The following SYNE1 variants were observed in gnomAD, a reference collection of about 807,000 sequenced individuals.
The protein encoded by SYNE1 is spectrin repeat containing nuclear envelope protein 1.
A neutral mutation model predicts 1,111.0 loss-of-function variants in SYNE1; 616 were observed. The ratio of observed to expected loss-of-function variants is 0.55; its 90% CI spans 0.52 to 0.59. The LOEUF (loss-of-function observed/expected upper bound fraction) is 0.59. SYNE1 is among the 20% of genes least tolerant of loss of function. The pLI is 0.00. For missense variants in SYNE1, 10,006 were observed against 10,417.0 expected (o/e 0.96, Z 1.72); for synonymous variants, 3,855 against 3,825.8 (o/e 1.01, Z -0.28).
At chr6:152,421,057 A>T (rs879720223) in intron 39 of SYNE1, among the ~76,000 whole-genome samples, 1 of 152,240 alleles carries the variant, frequency 6.6e-6, no homozygotes, top group Non-Finnish European at 1.5e-5. Flanking sequence ...ATATGATCAG[A>T]CTGCTTTGAG....
Position 152,387,143 on chromosome 6 carries a change from CCT to C in SYNE1, c.8414_8415del (p.Glu2805GlyfsTer2). ...AKSRELYEKT[E>X]DESFKDTAQE... ...TGAGCTGTGTCCTTGAAAGACTCAT[CCT>C]CTGTCTTTTCGTAGAGCTCCCTGGA... On this transcript the variant is annotated frameshift_variant, in exon 54 of 146. Coordinates refer to ENST00000367255, the MANE Select transcript of SYNE1 (RefSeq NM_182961.4). LOFTEE classifies it high-confidence loss of function. The C allele has an allele frequency of 6.2e-7, 1 of 1,614,164 alleles. No individual in the cohort carries two copies. The highest frequency in any genetic ancestry group is 8.5e-7 in the Non-Finnish European group (1 of 1,180,022).
intron 97 of SYNE1, among the ~76,000 whole-genome samples, chr6:152,280,810 T>C (rs887771712): frequency 5.9e-5 from 9 of 152,232 alleles, no homozygotes; most frequent in Admixed American, 2.0e-4. Context: ...ATATGGCTAA[T>C]TAATCTCTAT....
At chr6:152,329,513 C>T (rs916497995) in intron 78 of SYNE1, among the ~76,000 whole-genome samples, 1 of 152,106 alleles carries the variant, frequency 6.6e-6, no homozygotes, top group African/African-American at 2.4e-5. Flanking sequence ...GGCAACAGAG[C>T]GAGACTTCGT....
At chr6:152,477,545 C>A (rs2098842172) in intron 14 of SYNE1, among the ~76,000 whole-genome samples, 1 of 152,176 alleles carries the variant, frequency 6.6e-6, no homozygotes, top group South Asian at 2.1e-4. Context: ...TGAGGCTTCA[C>A]TGACAACCCT....
Position 152,316,893 on chromosome 6 carries a change from A to T in SYNE1, c.16666T>A (p.Trp5556Arg), listed in dbSNP as rs2095739223. 6.2e-7 allele frequency: 1 copy of T among 1,614,182 alleles called. No individual in the cohort carries two copies. The highest frequency in any genetic ancestry group is 1.7e-5 in the Admixed American group (1 of 60,026). ...TCCCGAAGCTGGCTTGCAGAATTCC[A>T]TGCAATAGTTCCATGAGCCAAGACT... ...AKVLAHGTIA[W>R]NSASQLREQY... Residue 5556 changes from tryptophan (W) to arginine (R), a missense_variant, in exon 87 of 146, where the codon TGG (tryptophan) becomes AGG (arginine). Around this residue, in one of 7 missense-constraint regions of SYNE1, gnomAD observed 4,955 missense variants for 5,017.2 expected, o/e 0.99. Transcript: ENST00000367255.
At chr6:152,380,907 G>T in intron 56 of SYNE1, 99 bp downstream of exon 56, 1 of 1,097,308 alleles carries the variant, frequency 9.1e-7, no homozygotes, top group Non-Finnish European at 1.4e-6. Flanking sequence ...TGTGCATGTT[G>T]CGTGTTTTTA....
intron 129 of SYNE1, among the ~76,000 whole-genome samples, chr6:152,178,039 C>G (rs2066918924): frequency 1.3e-5 from 2 of 151,244 alleles, no homozygotes; most frequent in Admixed American, 1.3e-4. Context: ...CTCAAAAGCC[C>G]TTTAAAAAAA....
Position 152,351,340 on chromosome 6 carries a change from G to A in SYNE1, c.11581-570C>T, listed in dbSNP as rs535506045. ...AAATAGACATTGGCTGGAAGAGGCCGTCACAGAAGCTTCCAACAGGGAAAG... is the reference window on the plus strand; with the variant it reads ...AAATAGACATTGGCTGGAAGAGGCCATCACAGAAGCTTCCAACAGGGAAAG... On this transcript the variant is annotated intron_variant, in intron 70 of 145. Coordinates refer to ENST00000367255, the MANE Select transcript of SYNE1 (RefSeq NM_182961.4). Among the ~76,000 whole-genome samples the A allele has an allele frequency of 4.4e-4, 67 of 152,302 alleles. 1 individual carries two copies. The South Asian group carries it at 5.0e-3, about 11-fold the overall frequency.
At chr6:152,417,380 C>A (rs777471739) in intron 40 of SYNE1, among the ~76,000 whole-genome samples, 17 of 152,048 alleles carry the variant, frequency 1.1e-4, no homozygotes, top group Non-Finnish European at 2.1e-4. Flanking sequence ...CGCCTGTAGT[C>A]CCAGCTACTC....
intron 101 of SYNE1, among the ~76,000 whole-genome samples, chr6:152,261,124 G>A (rs926435189): frequency 6.6e-6 from 1 of 152,156 alleles, no homozygotes; most frequent in Non-Finnish European, 1.5e-5. Context: ...CAGCCCCTAA[G>A]CTAGTTCTGG....
intron 73 of SYNE1, among the ~76,000 whole-genome samples, chr6:152,346,244 G>T (rs1448646431): frequency 1.3e-5 from 2 of 152,056 alleles, no homozygotes; most frequent in Non-Finnish European, 2.9e-5. Context: ...TCGGCTCACT[G>T]CAATCTCTGC....
At chr6:152,368,611 C>T (rs1378090131) in intron 61 of SYNE1, 1 of 219,394 alleles carries the variant, frequency 4.6e-6, no homozygotes, top group Non-Finnish European at 9.3e-6. Flanking sequence ...AGAACAAAAA[C>T]TCTGGGATTA....
intron 4 of SYNE1, among the ~76,000 whole-genome samples, chr6:152,527,673 T>G (rs1564649840): frequency 6.6e-6 from 1 of 152,172 alleles, no homozygotes; most frequent in African/African-American, 2.4e-5. Context: ...AGTTCATAAA[T>G]GTTTGATACA....
At chr6:152,593,178 A>G (rs1283189583) in intron 3 of SYNE1, among the ~76,000 whole-genome samples, 16 of 152,234 alleles carry the variant, frequency 1.1e-4, no homozygotes, top group Admixed American at 8.5e-4. Context: ...GGGTTTCCTT[A>G]TAAGTCATCT....
intron 3 of SYNE1, among the ~76,000 whole-genome samples, chr6:152,563,061 C>CAT (rs1424589335): frequency 6.6e-6 from 1 of 151,862 alleles, no homozygotes; most frequent in Non-Finnish European, 1.5e-5. Context: ...AGTACACACA[C>CAT]ACACACACAC....
intron 5 of SYNE1, among the ~76,000 whole-genome samples, chr6:152,523,168 A>C (rs1461622080): frequency 6.6e-6 from 1 of 151,166 alleles, no homozygotes. Context: ...TTTTTTCTAG[A>C]ATTTGTATGG....
intron 94 of SYNE1, 102 bp downstream of exon 94, chr6:152,293,858 A>G (rs1407280250): frequency 1.2e-5 from 20 of 1,607,834 alleles, no homozygotes; most frequent in Middle Eastern, 1.8e-4. Flanking sequence ...AGGGTACTCA[A>G]CTGTGGACTG....
At chr6:152,258,936 G>A (rs978594501) in intron 101 of SYNE1, among the ~76,000 whole-genome samples, 1 of 151,834 alleles carries the variant, frequency 6.6e-6, no homozygotes. Flanking sequence ...GTAGAGACAG[G>A]ATTTCCCCAT....
intron 48 of SYNE1, 23 bp downstream of exon 48, chr6:152,399,593 T>C (rs756533209): frequency 6.2e-7 from 1 of 1,613,656 alleles, no homozygotes; most frequent in South Asian, 1.1e-5. Flanking sequence ...AAACTACTCA[T>C]GCTAAGGCCC....
Sources: allele counts gnomAD v4.1 joint callset (sites outside exome capture counted in the v4.1 genomes callset), GRCh38; gene constraint gnomAD v4.1.1; regional missense constraint gnomAD v4.1.1; transcripts MANE v1.5; gene names NCBI Gene and HGNC (gene_info 2026-07-23, HGNC 2026-07-21).